The following HCN1 variants were observed in gnomAD, a reference collection of about 807,000 sequenced individuals.
HCN1 encodes potassium/sodium hyperpolarization-activated cyclic nucleotide-gated channel 1.
HCN1 carries 13 observed loss-of-function variants against 78.9 expected under a neutral mutation model. The observed-to-expected ratio is 0.16, with a 90% CI of 0.11 to 0.26. The LOEUF (loss-of-function observed/expected upper bound fraction) is 0.26, where lower values mean the gene tolerates loss of function less well. Ranked by LOEUF, HCN1 falls within the 10% of genes least tolerant of loss-of-function variation. The probability of loss-of-function intolerance (pLI) is 1.00; values close to 1 mark genes in which losing one functional copy is unlikely to be tolerated. For synonymous variants in HCN1, 552 were observed against 455.5 expected (o/e 1.21, Z -2.70); for missense variants, 810 against 1,154.3 (o/e 0.70, Z 4.32).
rs1267459460 is a variant in HCN1, at chr5:45,480,976, C to T, written c.850-18969G>A. Among the ~76,000 whole-genome samples, 11 of 152,136 alleles carry T rather than the reference C, an allele frequency of 7.2e-5. 1 individual carries two copies. Among genetic ancestry groups the T allele is most frequent in the Admixed American group, 1.3e-4 (2 of 15,268 alleles). On this transcript the variant is annotated intron_variant, in intron 2 of 7. Transcript: ENST00000303230. ...TTCAGAAAGCCCTAACCTAGTAGTT[C>T]CATTATTCGAATGCTAGAATGTAAG...
At chr5:45,314,175 C>T (rs893498488) in intron 5 of HCN1, among the ~76,000 whole-genome samples, 22 of 152,170 alleles carry the variant, frequency 1.4e-4, no homozygotes, top group Non-Finnish European at 2.8e-4. Context: ...TCGGCAGAAA[C>T]TCTACAAGCC....
chr5:45,534,402 C>T (rs71616298), intron 2 of HCN1, among the ~76,000 whole-genome samples: 5 of 22,686 alleles, frequency 2.2e-4, no homozygotes, highest in Non-Finnish European at 3.9e-4. Context: ...GAGACTGCAT[C>T]TCAAAAAAAA....
Position 45,317,386 on chromosome 5 carries a change from C to T in HCN1, c.1378-13547G>A, listed in dbSNP as rs557341069. Among the ~76,000 whole-genome samples the T allele has an allele frequency of 8.5e-5, 13 of 152,308 alleles. No homozygotes were observed. In the East Asian group the frequency reaches 2.5e-3, roughly 29 times the overall value. On this transcript the variant is annotated intron_variant, in intron 5 of 7. Transcript: ENST00000303230. Reference sequence around the variant, plus strand: ...CATATGTAGAAAGCTGAAACTGGATCCCTTCCTTACACCTTATACAAAAAT... The same window carrying T: ...CATATGTAGAAAGCTGAAACTGGATTCCTTCCTTACACCTTATACAAAAAT...
chr5:45,399,682 T>C (rs1455064892), intron 3 of HCN1, among the ~76,000 whole-genome samples: 1 of 152,132 alleles, frequency 6.6e-6, no homozygotes, highest in Non-Finnish European at 1.5e-5. Context: ...AGCCCAGTCT[T>C]ATAAACCTTG....
intron 1 of HCN1, among the ~76,000 whole-genome samples, chr5:45,688,722 A>G (rs1739853111): frequency 6.6e-6 from 1 of 152,138 alleles, no homozygotes; most frequent in South Asian, 2.1e-4. Context: ...CAAAAAGCAG[A>G]AACAACTCAG....
intron 5 of HCN1, among the ~76,000 whole-genome samples, chr5:45,313,952 T>C (rs942136908): frequency 1.3e-5 from 2 of 152,138 alleles, no homozygotes; most frequent in South Asian, 2.1e-4. Flanking sequence ...TGCAGGATAT[T>C]ATCCAGGAGA....
chr5:45,579,594 A>G (rs1744017291), intron 2 of HCN1, among the ~76,000 whole-genome samples: 1 of 152,134 alleles, frequency 6.6e-6, no homozygotes, highest in African/African-American at 2.4e-5. Context: ...GCCAAACAAA[A>G]AAGTGAATAA....
chr5:45,334,222 T>C (rs181988680), intron 5 of HCN1, among the ~76,000 whole-genome samples: 13 of 151,978 alleles, frequency 8.6e-5, no homozygotes, highest in Admixed American at 5.9e-4. Context: ...CTCTAGTTTA[T>C]TTTCCCTTTT....
intron 2 of HCN1, among the ~76,000 whole-genome samples, chr5:45,580,516 A>C (rs1478780252): frequency 6.6e-6 from 1 of 151,992 alleles, no homozygotes; most frequent in Non-Finnish European, 1.5e-5. Flanking sequence ...CTACAGAGCT[A>C]TAAGATTTGT....
chr5:45,576,868 C>A (rs972029567), intron 2 of HCN1, among the ~76,000 whole-genome samples: 1 of 151,838 alleles, frequency 6.6e-6, no homozygotes, highest in African/African-American at 2.4e-5. Context: ...CTCCATCAGC[C>A]CACCTTTCAA....
At chr5:45,412,066 G>A (rs1160712023) in intron 3 of HCN1, among the ~76,000 whole-genome samples, 2 of 152,046 alleles carry the variant, frequency 1.3e-5, no homozygotes, top group African/African-American at 4.8e-5. Context: ...TACTGACAAA[G>A]CAAGAGAATA....
At chr5:45,421,825 CCTGA>C (rs1434223874) in intron 3 of HCN1, among the ~76,000 whole-genome samples, 23 of 152,144 alleles carry the variant, frequency 1.5e-4, no homozygotes, top group African/African-American at 5.3e-4. Context: ...GGTTTGTCAT[CCTGA>C]CTATGTCCTC....
chr5:45,413,999 G>GAA (rs1314035576), intron 3 of HCN1, among the ~76,000 whole-genome samples: 2 of 151,802 alleles, frequency 1.3e-5, no homozygotes, highest in African/African-American at 4.8e-5. Flanking sequence ...CAAAGTGTAA[G>GAA]AAAAAACAGT....
intron 5 of HCN1, among the ~76,000 whole-genome samples, chr5:45,315,046 G>C (rs527335139): frequency 8.5e-5 from 13 of 152,228 alleles, no homozygotes; most frequent in African/African-American, 2.9e-4. Flanking sequence ...ATTGAACTCA[G>C]CTCTGCACCA....
Position 45,261,707 on chromosome 5 carries a change from G to T in HCN1, c.*214C>A, listed in dbSNP as rs1744737897. ...GAAAGGAAGACATATAACACTGAAT[G>T]CTAAACAGGTCTTTTGACCCTCTCT... On this transcript the variant is annotated 3_prime_UTR_variant, in exon 8 of 8. Coordinates refer to ENST00000303230, the MANE Select transcript of HCN1 (RefSeq NM_021072.4). 2.1e-6 allele frequency: 1 copy of T among 476,094 alleles called. No individual in the cohort carries two copies. Among genetic ancestry groups the T allele is most frequent in the Non-Finnish European group, 3.7e-6 (1 of 269,558 alleles). The allele number at this position is 476,094 out of a possible 1,614,324, so 29.5% of individuals were successfully genotyped here.
intron 2 of HCN1, among the ~76,000 whole-genome samples, chr5:45,606,730 T>C (rs1218867514): frequency 6.6e-6 from 1 of 151,796 alleles, no homozygotes; most frequent in Non-Finnish European, 1.5e-5. Flanking sequence ...TAAACCCCAC[T>C]AAAGTACAAT....
chr5:45,373,017 A>G (rs1011054235), intron 4 of HCN1, among the ~76,000 whole-genome samples: 1 of 138,096 alleles, frequency 7.2e-6, no homozygotes, highest in African/African-American at 2.6e-5. Flanking sequence ...TATAAAATAT[A>G]TATATTTTAC....
At position 45,257,522 on chromosome 5, in the gene HCN1, T is replaced by C. The variant is rs1402694569; in HGVS notation, c.*4399A>G. 6.6e-6 allele frequency: 1 copy of C among 152,160 alleles called. No homozygotes were observed. Among genetic ancestry groups the C allele is most frequent in the African/African-American group, 2.4e-5 (1 of 41,444 alleles). 9.4% of individuals were successfully genotyped at this position (152,160 alleles called of 1,614,324 possible). ...TCTTTAAATAATTTTCAAGGTGGGA[T>C]GCGGGGAGTGTCAGCAAGGCTTCTC... On this transcript the variant is annotated 3_prime_UTR_variant, in exon 8 of 8. Transcript: ENST00000303230.
chr5:45,437,387 AGTAATAT>A (rs1364847331), intron 3 of HCN1, among the ~76,000 whole-genome samples: 1 of 152,198 alleles, frequency 6.6e-6, no homozygotes, highest in Non-Finnish European at 1.5e-5. Flanking sequence ...ACATTTTCTC[AGTAATAT>A]TTTCTTTATA....
Sources: gnomAD v4.1 joint callset for allele counts (sites outside exome capture counted in the v4.1 genomes callset) on GRCh38, gnomAD v4.1.1 for gene constraint, MANE v1.5 for transcripts, NCBI Gene and HGNC (gene_info 2026-07-23, HGNC 2026-07-21) for gene names.